Variants in CDHR2 observed in about 807,000 individuals in gnomAD.
CDHR2 encodes the protein cadherin related family member 2.
CDHR2 carries 104 observed loss-of-function variants against 138.6 expected under a neutral mutation model. The observed-to-expected ratio is 0.75, with a 90% CI of 0.64 to 0.88. The LOEUF (loss-of-function observed/expected upper bound fraction) is 0.88, where lower values mean the gene tolerates loss of function less well. CDHR2 is among the 40% of genes least tolerant of loss of function. CDHR2 has a pLI of 0.00. For synonymous variants in CDHR2, 755 were observed against 742.8 expected (o/e 1.02, Z -0.27); for missense variants, 1,624 against 1,727.6 (o/e 0.94, Z 1.06).
intron 1 of CDHR2, among the ~76,000 whole-genome samples, chr5:176,556,356 A>G (rs1190033251): frequency 6.6e-6 from 1 of 152,248 alleles, no homozygotes; most frequent in Non-Finnish European, 1.5e-5. Context: ...GTGACAGAGC[A>G]AGACCTTGTC....
Position 176,574,066 on chromosome 5 carries a change from CGAGTCCCTCCCTGCA to C in CDHR2, c.406-14_406del. 1 of 1,604,530 alleles carries C rather than the reference CGAGTCCCTCCCTGCA, an allele frequency of 6.2e-7. No homozygotes were observed. The highest frequency in any genetic ancestry group is 8.5e-7 in the Non-Finnish European group (1 of 1,172,172). On this transcript the variant is annotated splice_acceptor_variant and splice_polypyrimidine_tract_variant and intron_variant, in intron 6 of 31. Coordinates refer to ENST00000261944, the MANE Select transcript of CDHR2 (RefSeq NM_017675.6). LOFTEE classifies it high-confidence loss of function. ...GAGCTGGATTTGAGCTCATAGGTGA[CGAGTCCCTCCCTGCA>C]GACCCTGCCCGTGGGCAGTGTGGTG...
chr5:176,560,773 G>A (rs999188813), intron 1 of CDHR2, among the ~76,000 whole-genome samples: 1 of 152,216 alleles, frequency 6.6e-6, no homozygotes, highest in Non-Finnish European at 1.5e-5. Flanking sequence ...CAGGGTACTC[G>A]GCACATATTA....
chr5:176,548,100 C>T (rs902856280), upstream of CDHR2, among the ~76,000 whole-genome samples: 4 of 152,138 alleles, frequency 2.6e-5, no homozygotes, highest in South Asian at 8.3e-4. Flanking sequence ...CTGTACCGCA[C>T]GCTGCAGGCA....
chr5:176,568,939 C>T (rs1204771084), intron 4 of CDHR2, 21 bp from the exon 5 acceptor site: 12 of 1,613,830 alleles, frequency 7.4e-6, no homozygotes, highest in Non-Finnish European at 1.0e-5. Flanking sequence ...ACCACCGGCC[C>T]CTTCTCTCTG....
chr5:176,571,872 C>T (rs1410065178), intron 6 of CDHR2, among the ~76,000 whole-genome samples: 1 of 152,272 alleles, frequency 6.6e-6, no homozygotes, highest in East Asian at 1.9e-4. Context: ...CCTCAGACTT[C>T]AGGCATGGCT....
chr5:176,547,091 G>C (rs181307258), upstream of CDHR2, among the ~76,000 whole-genome samples: 837 of 151,750 alleles, frequency 5.5e-3, 5 homozygotes, highest in Non-Finnish European at 9.0e-3. Flanking sequence ...TGAATCTCCT[G>C]CCTCAGCCTC....
intron 1 of CDHR2, among the ~76,000 whole-genome samples, chr5:176,551,356 CAG>C (rs1757700109): frequency 6.6e-6 from 1 of 152,066 alleles, no homozygotes; most frequent in Non-Finnish European, 1.5e-5. Context: ...TTAGTAGAGA[CAG>C]GGTTTCACCA....
At position 176,577,720 on chromosome 5, in the gene CDHR2, C is replaced by A. The variant is rs59495891; in HGVS notation, c.1434C>A (p.Pro478=). Residue 478 remains proline, a synonymous_variant, in exon 14 of 32, where the codon CCC becomes CCA. Coordinates refer to ENST00000261944, the MANE Select transcript of CDHR2 (RefSeq NM_017675.6). ...TTAGAGACATTAATGACCACAGGCC[C>A]ACGTTTCCCCAGAGCTTGTACGTCC... The part of the protein sequence containing the change: ...IHLRDINDHR[P]TFPQSLYVLT... The A allele has an allele frequency of 6.6e-5, 107 of 1,614,244 alleles. No individual in the cohort carries two copies. In the East Asian group the frequency reaches 2.4e-3, roughly 36 times the overall value.
rs772442689 is a variant in CDHR2, at chr5:176,574,066, C to T, written c.406-17C>T. On this transcript the variant is annotated splice_polypyrimidine_tract_variant and intron_variant, in intron 6 of 31. Coordinates refer to ENST00000261944, the MANE Select transcript of CDHR2 (RefSeq NM_017675.6). ...GAGCTGGATTTGAGCTCATAGGTGACGAGTCCCTCCCTGCAGACCCTGCCC... is the reference window on the plus strand; with the variant it reads ...GAGCTGGATTTGAGCTCATAGGTGATGAGTCCCTCCCTGCAGACCCTGCCC... The T allele has an allele frequency of 1.0e-5, 16 of 1,604,412 alleles. No homozygotes were observed. Among genetic ancestry groups the T allele is most frequent in the East Asian group, 2.2e-5 (1 of 44,838 alleles).
intron 31 of CDHR2, 124 bp downstream of exon 31, chr5:176,592,904 A>G (rs1286912503): frequency 1.2e-6 from 1 of 840,788 alleles, no homozygotes. Flanking sequence ...ACCAGGCCCC[A>G]GGAAGCCCTG....
At position 176,574,112 on chromosome 5, in the gene CDHR2, C is replaced by T. The variant is rs1395285017; in HGVS notation, c.435C>T (p.Ser145=). The change falls in exon 7 of 32, where the codon TCC becomes TCT. Residue 145 remains serine (S), a synonymous_variant. Coordinates refer to ENST00000261944, the MANE Select transcript of CDHR2 (RefSeq NM_017675.6). The stretch of plus-strand genomic sequence containing the variant: ...TGCCCGTGGGCAGTGTGGTGTTCTC[C>T]GTGCTGGCCGTGGATAAAGACATGG... ...ETLPVGSVVF[S]VLAVDKDMGS... 6.8e-6 allele frequency: 11 copies of T among 1,613,962 alleles called. No homozygotes were observed. The highest frequency in any genetic ancestry group is 5.3e-5 in the African/African-American group (4 of 74,922).
intron 1 of CDHR2, among the ~76,000 whole-genome samples, chr5:176,565,086 G>A (rs1367343245): frequency 6.6e-6 from 1 of 152,128 alleles, no homozygotes; most frequent in Non-Finnish European, 1.5e-5. Flanking sequence ...TAGTGCCTTG[G>A]AGCATTTCCT....
chr5:176,558,524 C>G (rs558086170), intron 1 of CDHR2, among the ~76,000 whole-genome samples: 1 of 152,232 alleles, frequency 6.6e-6, no homozygotes, highest in East Asian at 1.9e-4. Flanking sequence ...GCTGGGATTA[C>G]AGGCATGTGC....
intron 23 of CDHR2, 38 bp from the exon 24 acceptor site, chr5:176,589,490 G>A: frequency 6.2e-7 from 1 of 1,612,972 alleles, no homozygotes. Flanking sequence ...AGCCCCCAGG[G>A]TCCCTGGTGC....
rs750468383 is a variant in CDHR2, at chr5:176,581,563, A to G, written c.2039A>G (p.Asn680Ser). 1.9e-6 allele frequency: 3 copies of G among 1,613,874 alleles called. No individual in the cohort carries two copies. The highest frequency in any genetic ancestry group is 1.7e-5 in the Admixed American group (1 of 60,030). The change falls in exon 17 of 32, where the codon AAT (asparagine) becomes AGT (serine). Residue 680 changes from asparagine to serine, a missense_variant. By Grantham distance (46) the Asn-to-Ser change is conservative (BLOSUM62 1). Around this residue, in one of 3 missense-constraint regions of CDHR2, gnomAD observed 1,061 missense variants for 1,136.6 expected, o/e 0.93. Coordinates refer to ENST00000261944, the MANE Select transcript of CDHR2 (RefSeq NM_017675.6). ...GAGCCTGTCCTCGGCACCAAAGTCA[A>G]TGTCACCATCACTGTGGAGGTAAGG... ...CGEPVLGTKV[N>S]VTITVEDIND...
Position 176,568,738 on chromosome 5 carries a change from T to C in CDHR2, c.185T>C (p.Met62Thr). Residue 62 changes from methionine to threonine, a missense_variant, in exon 4 of 32, where the codon ATG becomes ACG. This residue lies in a region of CDHR2 where 1,061 missense variants were observed against 1,136.6 expected (regional missense o/e 0.93). Transcript: ENST00000261944. ...GACAATGACCCTCTGACCTATGGGATGAGCGGCCCCAATGCCTACTTCTTC... is the reference window on the plus strand; with the variant it reads ...GACAATGACCCTCTGACCTATGGGACGAGCGGCCCCAATGCCTACTTCTTC... ...DQDNDPLTYGMSGPNAYFFAV... is the reference protein window; with the variant it reads ...DQDNDPLTYGTSGPNAYFFAV... 6.2e-7 allele frequency: 1 copy of C among 1,614,210 alleles called. No individual in the cohort carries two copies. Among genetic ancestry groups the C allele is most frequent in the Non-Finnish European group, 8.5e-7 (1 of 1,180,016 alleles).
Position 176,568,701 on chromosome 5 carries a change from G to T in CDHR2, c.148G>T (p.Ala50Ser), listed in dbSNP as rs774710686. The change falls in exon 4 of 32, where the codon GCG becomes TCG. Residue 50 changes from alanine to serine, a missense_variant. Coordinates refer to ENST00000261944, the MANE Select transcript of CDHR2 (RefSeq NM_017675.6). ...AGGTGCCCAGGCCTTCTGGTTGGTA[G>T]CGGAAGACCAGGACAATGACCCTCT... ...PVGAQAFWLV[A>S]EDQDNDPLTY... The T allele has an allele frequency of 2.5e-6, 4 of 1,614,208 alleles. No homozygotes were observed. Among genetic ancestry groups the T allele is most frequent in the Non-Finnish European group, 3.4e-6 (4 of 1,180,022 alleles).
At chr5:176,581,633 C>T (rs1561877474) in intron 17 of CDHR2, 51 bp downstream of exon 17, 2 of 1,593,622 alleles carry the variant, frequency 1.3e-6, no homozygotes, top group Non-Finnish European at 1.7e-6. Context: ...AAGCCGATAG[C>T]CAGCCCCTCC....
chr5:176,550,676 G>A (rs893215144), intron 1 of CDHR2, among the ~76,000 whole-genome samples: 6 of 152,234 alleles, frequency 3.9e-5, no homozygotes, highest in Admixed American at 1.3e-4. Flanking sequence ...CGAGCTGGCC[G>A]TGTAGCGGTG....
Sources: allele counts gnomAD v4.1 joint callset (sites outside exome capture counted in the v4.1 genomes callset), GRCh38; gene constraint gnomAD v4.1.1; regional missense constraint gnomAD v4.1.1; transcripts MANE v1.5; gene names NCBI Gene and HGNC (gene_info 2026-07-23, HGNC 2026-07-21).